Variants in LRP1B observed in about 807,000 individuals in gnomAD.
The protein encoded by LRP1B is low-density lipoprotein receptor-related protein 1B.
LRP1B carries 217 observed loss-of-function variants against 556.6 expected under a neutral mutation model. The ratio of observed to expected loss-of-function variants is 0.39; its 90% CI spans 0.35 to 0.44. The LOEUF is 0.44. Ranked by LOEUF, LRP1B falls within the 20% of genes least tolerant of loss-of-function variation. The pLI is 1.00. For missense variants in LRP1B, 5,053 were observed against 5,620.8 expected (o/e 0.90, Z 3.23); for synonymous variants, 2,047 against 1,865.8 (o/e 1.10, Z -2.50).
At chr2:141,318,653 A>T (rs552279381) in intron 3 of LRP1B, among the ~76,000 whole-genome samples, 12 of 152,278 alleles carry the variant, frequency 7.9e-5, no homozygotes, top group African/African-American at 2.6e-4. Flanking sequence ...AAGTCTGCAG[A>T]TGAAAATATG....
At chr2:142,025,663 G>A (rs1703478252) in intron 1 of LRP1B, among the ~76,000 whole-genome samples, 1 of 152,104 alleles carries the variant, frequency 6.6e-6, no homozygotes, top group Non-Finnish European at 1.5e-5. Context: ...CCTGCAGTTT[G>A]AGCATACCTT....
chr2:141,889,594 C>A (rs567970426), intron 1 of LRP1B, among the ~76,000 whole-genome samples: 112 of 152,244 alleles, frequency 7.4e-4, no homozygotes, highest in Non-Finnish European at 5.6e-4. Flanking sequence ...TTGTAAGTTA[C>A]TAAAGAGCAT....
intron 7 of LRP1B, among the ~76,000 whole-genome samples, chr2:141,089,270 G>A (rs1017252597): frequency 3.9e-5 from 6 of 152,122 alleles, no homozygotes; most frequent in Admixed American, 3.9e-4. Flanking sequence ...TTCTCTCTCA[G>A]TGCATGAGTT....
chr2:140,965,070 G>A (rs1696161690), intron 18 of LRP1B, among the ~76,000 whole-genome samples: 1 of 152,152 alleles, frequency 6.6e-6, no homozygotes, highest in South Asian at 2.1e-4. Context: ...TTGCACATGA[G>A]AATCACGTGA....
At position 140,923,096 on chromosome 2, in the gene LRP1B, T is replaced by A. The variant is rs151317245; in HGVS notation, c.3188A>T (p.Asp1063Val). 6.2e-7 allele frequency: 1 copy of A among 1,612,696 alleles called. No homozygotes were observed. The highest frequency in any genetic ancestry group is 8.5e-7 in the Non-Finnish European group (1 of 1,179,246). The change falls in exon 21 of 91, where the codon GAT becomes GTT. Residue 1063 changes from aspartate (D) to valine (V), a missense_variant. By Grantham distance (152) the Asp-to-Val change is radical. Around this residue, in one of 5 missense-constraint regions of LRP1B, gnomAD observed 3,619 missense variants for 3,931.9 expected, o/e 0.92. Coordinates refer to ENST00000389484, the MANE Select transcript of LRP1B (RefSeq NM_018557.3). ...CCACAAATCAGGAACGCAATTACCA[T>A]CAGGGTGGCACTGAAATTCATTTCC... Reference protein sequence around the residue: ...CNGNEFQCHPDGNCVPDLWRC... With the variant: ...CNGNEFQCHPVGNCVPDLWRC...
Position 140,231,965 on chromosome 2 carries a change from TAAAC to T in LRP1B, c.*1217_*1220del, listed in dbSNP as rs1432006063. ...ACTCGTTTCAACTCAAATTTGAAGA[TAAAC>T]AAACCAAACGTGAATGGGGTCCATG... On this transcript the variant is annotated 3_prime_UTR_variant, in exon 91 of 91. Coordinates refer to ENST00000389484, the MANE Select transcript of LRP1B (RefSeq NM_018557.3). 4 of 151,632 alleles carry T rather than the reference TAAAC, an allele frequency of 2.6e-5. No individual in the cohort carries two copies. Among genetic ancestry groups the T allele is most frequent in the African/African-American group, 7.3e-5 (3 of 41,324 alleles). The allele number at this position is 151,632 out of a possible 1,614,324, so 9.4% of individuals were successfully genotyped here. A position where few individuals can be genotyped will look rare whatever the true frequency, so the allele number is the denominator to read the frequency against.
intron 7 of LRP1B, among the ~76,000 whole-genome samples, chr2:141,159,623 T>A (rs1212889507): frequency 6.6e-6 from 1 of 152,118 alleles, no homozygotes; most frequent in Non-Finnish European, 1.5e-5. Flanking sequence ...AAAAATTAAG[T>A]GTTGCCTTTT....
intron 7 of LRP1B, among the ~76,000 whole-genome samples, chr2:141,187,779 C>T (rs1274389582): frequency 1.3e-5 from 2 of 151,536 alleles, no homozygotes; most frequent in African/African-American, 4.8e-5. Context: ...ATTAATGAGT[C>T]TATTAGCTAA....
chr2:141,847,600 G>C (rs904759759), intron 1 of LRP1B, among the ~76,000 whole-genome samples: 1 of 151,434 alleles, frequency 6.6e-6, no homozygotes, highest in Non-Finnish European at 1.5e-5. Context: ...AAAACATACA[G>C]TATAGTGCAA....
intron 7 of LRP1B, among the ~76,000 whole-genome samples, chr2:141,065,552 G>C (rs1302107277): frequency 6.6e-6 from 1 of 151,814 alleles, no homozygotes; most frequent in Non-Finnish European, 1.5e-5. Flanking sequence ...GAGTAGATAA[G>C]GGTTGTTTTG....
intron 3 of LRP1B, among the ~76,000 whole-genome samples, chr2:141,445,230 A>G (rs1681142172): frequency 6.6e-6 from 1 of 152,206 alleles, no homozygotes; most frequent in Non-Finnish European, 1.5e-5. Flanking sequence ...TGTTTACAAT[A>G]TTCTCTGATG....
chr2:141,887,372 C>T (rs1699160159), intron 1 of LRP1B, among the ~76,000 whole-genome samples: 1 of 152,142 alleles, frequency 6.6e-6, no homozygotes, highest in Non-Finnish European at 1.5e-5. Flanking sequence ...CACGGTCAGA[C>T]TTAGGAATGC....
chr2:140,438,130 C>G (rs1008964677), intron 66 of LRP1B, among the ~76,000 whole-genome samples: 5 of 152,118 alleles, frequency 3.3e-5, no homozygotes, highest in Non-Finnish European at 1.5e-5. Flanking sequence ...GACCCTCCAG[C>G]CTCAGCCTCC....
rs984365201 is a variant in LRP1B, at chr2:140,231,868, C to A, written c.*1318G>T. ...AGCCCTCCAAAACTTGTGAATAAAT[C>A]TTTTGTGCCTTTAAAGATATTTGTA... On this transcript the variant is annotated 3_prime_UTR_variant, in exon 91 of 91. Transcript: ENST00000389484. 1 of 151,736 alleles carries A rather than the reference C, an allele frequency of 6.6e-6. No homozygotes were observed. Among genetic ancestry groups the A allele is most frequent in the Non-Finnish European group, 1.5e-5 (1 of 67,574 alleles). The allele number at this position is 151,736 out of a possible 1,614,324, so 9.4% of individuals were successfully genotyped here. A position where few individuals can be genotyped will look rare whatever the true frequency, so the allele number is the denominator to read the frequency against.
At chr2:141,146,916 G>A (rs185338918) in intron 7 of LRP1B, among the ~76,000 whole-genome samples, 1 of 152,254 alleles carries the variant, frequency 6.6e-6, no homozygotes, top group Non-Finnish European at 1.5e-5. Context: ...CACCACCACT[G>A]TTACAAGAAA....
chr2:141,400,003 T>G (rs977059046), intron 3 of LRP1B, among the ~76,000 whole-genome samples: 21 of 152,170 alleles, frequency 1.4e-4, no homozygotes, highest in Admixed American at 5.9e-4. Context: ...TTGATTTTTT[T>G]GAGACAGGGT....
At chr2:140,623,567 C>G (rs1048591641) in intron 41 of LRP1B, among the ~76,000 whole-genome samples, 8 of 151,868 alleles carry the variant, frequency 5.3e-5, no homozygotes, top group Non-Finnish European at 1.2e-4. Context: ...AAAATTTACA[C>G]AAAATTTTAA....
chr2:141,198,776 G>A (rs1681869686), intron 6 of LRP1B, among the ~76,000 whole-genome samples: 1 of 152,060 alleles, frequency 6.6e-6, no homozygotes. Flanking sequence ...TTTACACAGA[G>A]GTGTCTTTTT....
intron 1 of LRP1B, among the ~76,000 whole-genome samples, chr2:141,907,826 C>T (rs1699800450): frequency 6.6e-6 from 1 of 151,882 alleles, no homozygotes; most frequent in African/African-American, 2.4e-5. Flanking sequence ...CTGTGATTTC[C>T]TGCTCCCTTT....
Sources: allele counts gnomAD v4.1 joint callset (sites outside exome capture counted in the v4.1 genomes callset), GRCh38; gene constraint gnomAD v4.1.1; regional missense constraint gnomAD v4.1.1; transcripts MANE v1.5; gene names NCBI Gene and HGNC (gene_info 2026-07-23, HGNC 2026-07-21).